Variants in TWSG1 observed in about 807,000 individuals in gnomAD.
The protein encoded by TWSG1 is twisted gastrulation protein homolog 1.
In TWSG1, 15 loss-of-function variants were observed where a neutral mutation model predicts 23.0. The ratio of observed to expected loss-of-function variants is 0.65; its 90% CI spans 0.44 to 1.00. The LOEUF (loss-of-function observed/expected upper bound fraction) is 1.00. TWSG1 is among the 50% of genes least tolerant of loss of function. TWSG1 has a pLI of 0.00. For synonymous variants in TWSG1, 86 were observed against 92.8 expected, an observed-to-expected ratio of 0.93 and a Z score of 0.42; for missense variants, 242 against 278.7, an observed-to-expected ratio of 0.87 and a Z score of 0.94.
At chr18:9,350,272 C>T (rs76015365) in intron 2 of TWSG1, among the ~76,000 whole-genome samples, 7 of 152,310 alleles carry the variant, frequency 4.6e-5, no homozygotes, top group Non-Finnish European at 7.3e-5. Flanking sequence ...AAGAATACAT[C>T]GTTTCCCTCC....
At chr18:9,335,630 G>A (rs1050738342) in intron 1 of TWSG1, among the ~76,000 whole-genome samples, 3 of 152,146 alleles carry the variant, frequency 2.0e-5, no homozygotes, top group African/African-American at 7.2e-5. Flanking sequence ...ATATGTACTG[G>A]TTGCTCCAGA....
intron 3 of TWSG1, among the ~76,000 whole-genome samples, chr18:9,378,386 C>T (rs1395622474): frequency 1.3e-5 from 2 of 152,162 alleles, no homozygotes; most frequent in Non-Finnish European, 2.9e-5. Context: ...TGCCCAAAAG[C>T]TCCTTGAACT....
At chr18:9,361,308 G>T (rs977003950) in intron 3 of TWSG1, among the ~76,000 whole-genome samples, 3 of 151,940 alleles carry the variant, frequency 2.0e-5, no homozygotes, top group Non-Finnish European at 4.4e-5. Context: ...TTATCTTTAT[G>T]GGATTCTTAA....
rs139838748 is a variant in TWSG1 at position 9,344,925 on chromosome 18, T to G, written c.123+7573T>G. On this transcript the variant is annotated intron_variant, in intron 2 of 4. Transcript: ENST00000262120. ...ACCACACTCAGCTAATTTTTAAAAT[T>G]TTTAAATTCTTTATAGGGATGGGGG... is the stretch of plus-strand genomic sequence containing the variant. Among the ~76,000 whole-genome samples the G allele has an allele frequency of 3.3e-3, 498 of 152,172 alleles. 3 individuals are homozygous for G. The highest frequency in any genetic ancestry group is 0.02 in the Middle Eastern group (6 of 294).
At chr18:9,349,912 C>T (rs552519858) in intron 2 of TWSG1, among the ~76,000 whole-genome samples, 13 of 152,250 alleles carry the variant, frequency 8.5e-5, no homozygotes, top group Non-Finnish European at 1.5e-4. Flanking sequence ...GAGGCTGAGG[C>T]GGGCAGGTCA....
At chr18:9,364,463 C>T (rs2040568141) in intron 3 of TWSG1, among the ~76,000 whole-genome samples, 1 of 152,156 alleles carries the variant, frequency 6.6e-6, no homozygotes. Context: ...TTCACCCCTT[C>T]TTGATGACCA....
At position 9,339,253 on chromosome 18, in the gene TWSG1, G is replaced by C. The variant is rs151169361; in HGVS notation, c.123+1901G>C. Among the ~76,000 whole-genome samples the C allele has an allele frequency of 3.4e-4, 51 of 152,118 alleles. 1 individual carries two copies. Among genetic ancestry groups the C allele is most frequent in the African/African-American group, 1.2e-3 (49 of 41,492 alleles). Reference sequence around the variant, plus strand: ...ATTTAAAATACCTTGCTTTTAAAGGGAGTATTTAAAAGAGAAAGCTTTTGA... The same window carrying C: ...ATTTAAAATACCTTGCTTTTAAAGGCAGTATTTAAAAGAGAAAGCTTTTGA... On this transcript the variant is annotated intron_variant, in intron 2 of 4. Coordinates refer to ENST00000262120, the MANE Select transcript of TWSG1 (RefSeq NM_020648.6).
At position 9,352,122 on chromosome 18, in the gene TWSG1, AT is replaced by A. The variant is rs1277455318; in HGVS notation, c.124-7842del. Among the ~76,000 whole-genome samples, 4 of 151,768 alleles carry A rather than the reference AT, an allele frequency of 2.6e-5. No individual in the cohort carries two copies. The East Asian group carries it at 7.7e-4, about 29-fold the overall frequency. On this transcript the variant is annotated intron_variant, in intron 2 of 4. Transcript: ENST00000262120. ...TCAGCCCCTGGCAACCACTGATTTGATTTTTTTTCTCTATAGTTTTGCCTTT... is the reference window on the plus strand; with the variant it reads ...TCAGCCCCTGGCAACCACTGATTTGATTTTTTTCTCTATAGTTTTGCCTTT...
intron 3 of TWSG1, among the ~76,000 whole-genome samples, chr18:9,367,972 A>C (rs1746075840): frequency 6.6e-6 from 1 of 152,204 alleles, no homozygotes; most frequent in Non-Finnish European, 1.5e-5. Flanking sequence ...TGCAGGGAAC[A>C]TGAGAGTGCA....
intron 3 of TWSG1, among the ~76,000 whole-genome samples, chr18:9,388,867 A>AATTTT (rs1368116191): frequency 2.0e-5 from 3 of 151,074 alleles, no homozygotes; most frequent in African/African-American, 7.3e-5. Flanking sequence ...AATTTCTTTA[A>AATTTT]AGTCTTCAGT....
At chr18:9,365,131 G>A (rs2040571797) in intron 3 of TWSG1, among the ~76,000 whole-genome samples, 2 of 151,284 alleles carry the variant, frequency 1.3e-5, no homozygotes, top group African/African-American at 4.9e-5. Context: ...GACCAGCCTA[G>A]GCAACATAAG....
chr18:9,342,244 A>G (rs772620038), intron 2 of TWSG1, among the ~76,000 whole-genome samples: 17 of 152,176 alleles, frequency 1.1e-4, no homozygotes, highest in African/African-American at 1.9e-4. Flanking sequence ...TAATCTCTCA[A>G]TGCCTCAATT....
chr18:9,381,059 A>G (rs1413807962), intron 3 of TWSG1, among the ~76,000 whole-genome samples: 1 of 152,236 alleles, frequency 6.6e-6, no homozygotes, highest in Non-Finnish European at 1.5e-5. Flanking sequence ...TTCTTTTAAA[A>G]AACTAAACAC....
chr18:9,395,160 A>T (rs2040729082), intron 3 of TWSG1, among the ~76,000 whole-genome samples: 1 of 152,230 alleles, frequency 6.6e-6, no homozygotes, highest in Non-Finnish European at 1.5e-5. Flanking sequence ...GATTTCCCTC[A>T]GCCTTGATGT....
At chr18:9,390,902 A>G (rs923188954) in intron 3 of TWSG1, among the ~76,000 whole-genome samples, 1 of 152,278 alleles carries the variant, frequency 6.6e-6, no homozygotes, top group Middle Eastern at 3.4e-3. Flanking sequence ...AGACCTAGCT[A>G]CTTGGGAGGC....
intron 2 of TWSG1, among the ~76,000 whole-genome samples, chr18:9,345,141 C>G (rs1456809128): frequency 2.6e-5 from 4 of 152,088 alleles, no homozygotes; most frequent in African/African-American, 9.7e-5. Flanking sequence ...GGCTCAAGAC[C>G]CTTGTCAGAT....
chr18:9,352,096 C>G (rs920796485), intron 2 of TWSG1, among the ~76,000 whole-genome samples: 1 of 152,278 alleles, frequency 6.6e-6, no homozygotes, highest in East Asian at 1.9e-4. Flanking sequence ...TTTCCCTAGC[C>G]TCAGCCCCTG....
chr18:9,339,854 T>C (rs1246577424), intron 2 of TWSG1, among the ~76,000 whole-genome samples: 1 of 151,968 alleles, frequency 6.6e-6, no homozygotes, highest in African/African-American at 2.4e-5. Flanking sequence ...AAGAGTACTA[T>C]ATCAGTGTAA....
intron 2 of TWSG1, among the ~76,000 whole-genome samples, chr18:9,339,400 C>A (rs1013296109): frequency 6.6e-6 from 1 of 152,110 alleles, no homozygotes; most frequent in Non-Finnish European, 1.5e-5. Flanking sequence ...CCCATCTCAG[C>A]CTCTGGTGTA....
Sources: allele counts gnomAD v4.1 joint callset (sites outside exome capture counted in the v4.1 genomes callset), GRCh38; gene constraint gnomAD v4.1.1; transcripts MANE v1.5; gene names NCBI Gene and HGNC (gene_info 2026-07-23, HGNC 2026-07-21).